Variants in RNF166 observed in about 807,000 individuals in gnomAD.
RNF166 encodes ring finger protein 166.
Under a neutral mutation model 29.4 loss-of-function variants are expected in RNF166, and 19 were observed. The observed-to-expected ratio is 0.65, with a 90% CI of 0.45 to 0.95. The LOEUF (loss-of-function observed/expected upper bound fraction) is 0.95. RNF166 is among the 40% of genes least tolerant of loss of function. The pLI, the probability that RNF166 is intolerant of heterozygous loss-of-function variation, is 0.00. For missense variants in RNF166, 347 were observed against 322.1 expected (o/e 1.08, Z -0.59); for synonymous variants, 171 against 134.5 (o/e 1.27, Z -1.88).
intron 1 of RNF166, among the ~76,000 whole-genome samples, chr16:88,702,370 G>A (rs1910336141): frequency 6.6e-6 from 1 of 152,186 alleles, no homozygotes; most frequent in Non-Finnish European, 1.5e-5. Flanking sequence ...TACAGCACCC[G>A]GGGGTGTAGC....
chr16:88,700,374 G>C (rs977629587), intron 2 of RNF166, among the ~76,000 whole-genome samples: 2 of 149,124 alleles, frequency 1.3e-5, no homozygotes, highest in African/African-American at 5.2e-5. Context: ...GCATGTGACC[G>C]GTTCTGATCC....
chr16:88,700,662 C>G, intron 2 of RNF166: 3 of 986,888 alleles, frequency 3.0e-6, no homozygotes, highest in Non-Finnish European at 3.6e-6. Flanking sequence ...GAACGGGGCG[C>G]TGGCTGGGGC....
rs1202737919 is a variant in RNF166 at position 88,697,394 on chromosome 16, G to A, written c.*174C>T. 2.8e-5 allele frequency: 15 copies of A among 533,038 alleles called. No individual in the cohort carries two copies. The highest frequency in any genetic ancestry group is 1.6e-4 in the East Asian group (5 of 31,442). 33.0% of individuals were successfully genotyped at this position (533,038 alleles called of 1,614,324 possible). On this transcript the variant is annotated 3_prime_UTR_variant, in exon 6 of 6. Transcript: ENST00000312838. Reference sequence around the variant, plus strand: ...CAGGCGGCCCTGCTCTGGCGGCCTCGGCGGCTGGCCCGTATTCAGGCCCGG... The same window carrying A: ...CAGGCGGCCCTGCTCTGGCGGCCTCAGCGGCTGGCCCGTATTCAGGCCCGG...
intron 1 of RNF166, chr16:88,703,534 C>G (rs537292115): frequency 8.1e-6 from 8 of 985,418 alleles, no homozygotes; most frequent in Non-Finnish European, 9.6e-6. Flanking sequence ...GGAGGCAGAA[C>G]GAGGCACCCA....
At chr16:88,703,399 G>C (rs1223800197) in intron 1 of RNF166, 1 of 985,416 alleles carries the variant, frequency 1.0e-6, no homozygotes, top group African/African-American at 1.7e-5. Flanking sequence ...CAGAGCTTGG[G>C]AAGAGAGGAA....
At chr16:88,699,816 G>A in intron 2 of RNF166, 84 bp from the exon 3 acceptor site, 1 of 926,294 alleles carries the variant, frequency 1.1e-6, no homozygotes, top group Non-Finnish European at 1.7e-6. Context: ...AGGTGTCCAG[G>A]ACCAGAGAAC....
At chr16:88,702,625 G>C (rs1910366114) in intron 1 of RNF166, 1 of 894,888 alleles carries the variant, frequency 1.1e-6, no homozygotes, top group Non-Finnish European at 1.3e-6. Context: ...GGCCCTCTTT[G>C]CCACCACTGG....
rs1446634504 is a variant in RNF166, at chr16:88,696,619, GCCC to G, written c.*946_*948del. The G allele has an allele frequency of 6.6e-6, 3 of 453,630 alleles. No individual in the cohort carries two copies. The highest frequency in any genetic ancestry group is 1.3e-5 in the Non-Finnish European group (3 of 226,296). The allele number at this position is 453,630 out of a possible 1,614,324, so 28.1% of individuals were successfully genotyped here. A position where few individuals can be genotyped will look rare whatever the true frequency, so the allele number is the denominator to read the frequency against. Reference sequence around the variant, plus strand: ...GCCCGCCAAGCGGGCCCCTGCCCAGGCCCCCAAGCTCTGCCACCACTGGGGTGC... The same window carrying G: ...GCCCGCCAAGCGGGCCCCTGCCCAGGCCAAGCTCTGCCACCACTGGGGTGC... On this transcript the variant is annotated 3_prime_UTR_variant, in exon 6 of 6. Coordinates refer to ENST00000312838, the MANE Select transcript of RNF166 (RefSeq NM_178841.4).
rs148962408 is a variant in RNF166, at chr16:88,699,016, C to T, written c.495G>A (p.Leu165=). Residue 165 remains leucine (L), a synonymous_variant, in exon 4 of 6, where the codon CTG becomes CTA. Transcript: ENST00000312838. The stretch of plus-strand genomic sequence containing the variant: ...GGTGGCTTTCCACACAGTGCTTCAC[C>T]AGCTCCTGCTGGTCCAGGTTGCGGG... ...CGARNLDQQE[L]VKHCVESHRS... is the part of the protein sequence containing the mutation. 3.1e-6 allele frequency: 5 copies of T among 1,609,512 alleles called. 1 individual carries two copies. Among genetic ancestry groups the T allele is most frequent in the Non-Finnish European group, 4.2e-6 (5 of 1,178,476 alleles).
At chr16:88,703,457 G>T (rs1482570656) in intron 1 of RNF166, 1 of 985,502 alleles carries the variant, frequency 1.0e-6, no homozygotes, top group African/African-American at 1.7e-5. Context: ...GTCCTCCCCG[G>T]AAGGACTCAG....
chr16:88,700,931 C>T, intron 2 of RNF166: 2 of 1,170,054 alleles, frequency 1.7e-6, no homozygotes, highest in Non-Finnish European at 2.1e-6. Context: ...TATCGGCTGG[C>T]AGGGGAAGGC....
At chr16:88,705,405 C>A (rs931420653) in intron 1 of RNF166, among the ~76,000 whole-genome samples, 8 of 152,246 alleles carry the variant, frequency 5.3e-5, no homozygotes, top group Admixed American at 1.3e-4. Flanking sequence ...CTGTATTATT[C>A]AGCACTTAGG....
chr16:88,701,325 C>G lies in RNF166; in HGVS notation c.249G>C (p.Lys83Asn), dbSNP rs762369596. The G allele has an allele frequency of 6.2e-7, 1 of 1,613,500 alleles. No individual in the cohort carries two copies. The highest frequency in any genetic ancestry group is 1.3e-5 in the African/African-American group (1 of 74,932). ...AGAGCTGCTTCTCCACGTGGGTGGC[C>G]TTGTCCACCTTCTTGGGGTCGAAGG... ...RLPFDPKKVD[K>N]ATHVEKQLSS... is the part of the protein sequence containing the mutation. The change falls in exon 2 of 6, where the codon AAG (lysine) becomes AAC (asparagine). Residue 83 changes from lysine (K) to asparagine (N), a missense_variant. Physicochemically the swap from Lys to Asn is moderately conservative, Grantham distance 94. Transcript: ENST00000312838.
rs531990092 is a variant in RNF166 at position 88,698,696 on chromosome 16, G to A, written c.541-87C>T. The A allele has an allele frequency of 1.7e-4, 181 of 1,035,830 alleles. 1 individual carries two copies. The highest frequency in any genetic ancestry group is 6.4e-4 in the Middle Eastern group (2 of 3,128). 64.2% of individuals were successfully genotyped at this position (1,035,830 alleles called of 1,614,324 possible). On this transcript the variant is annotated intron_variant, in intron 4 of 5. Coordinates refer to ENST00000312838, the MANE Select transcript of RNF166 (RefSeq NM_178841.4). ...GACTGGGGGCCCTCCACTGAGCCCC[G>A]TCAGTGCTGCCTCAGCCTGGGAAGG... is the stretch of plus-strand genomic sequence containing the variant.
chr16:88,703,929 C>T (rs1001628489), intron 1 of RNF166: 2 of 985,358 alleles, frequency 2.0e-6, no homozygotes, highest in African/African-American at 3.5e-5. Flanking sequence ...TCACACAGCC[C>T]TTCCAGGCAG....
chr16:88,701,218 C>A (rs749370779), intron 2 of RNF166, 44 bp downstream of exon 2: 2 of 1,611,320 alleles, frequency 1.2e-6, no homozygotes, highest in Admixed American at 3.3e-5. Flanking sequence ...TGAGGCTGCC[C>A]ATCAAGTGAC....
Position 88,697,644 on chromosome 16 carries a change from G to A in RNF166, c.649-11C>T, listed in dbSNP as rs768662405. 55 of 1,547,418 alleles carry A rather than the reference G, an allele frequency of 3.6e-5. No individual in the cohort carries two copies. The highest frequency in any genetic ancestry group is 4.3e-5 in the Non-Finnish European group (49 of 1,144,066). On this transcript the variant is annotated splice_polypyrimidine_tract_variant and intron_variant, in intron 5 of 5. Coordinates refer to ENST00000312838, the MANE Select transcript of RNF166 (RefSeq NM_178841.4). Reference sequence around the variant, plus strand: ...GTCAATACTGTAGTCCTGGAGACAGGAAGGAGAGATGCACCGGGCTCGAGG... The same window carrying A: ...GTCAATACTGTAGTCCTGGAGACAGAAAGGAGAGATGCACCGGGCTCGAGG...
At chr16:88,703,497 T>C (rs1910475174) in intron 1 of RNF166, 1 of 985,254 alleles carries the variant, frequency 1.0e-6, no homozygotes. Context: ...CCAGCCCGAC[T>C]GGCAGGGCGG....
At chr16:88,704,492 AG>A in intron 1 of RNF166, 1 of 985,376 alleles carries the variant, frequency 1.0e-6, no homozygotes, top group Non-Finnish European at 1.2e-6. Flanking sequence ...TTTTAGGAAA[AG>A]ACATATTTGA....
Sources: allele counts gnomAD v4.1 joint callset (sites outside exome capture counted in the v4.1 genomes callset), GRCh38; gene constraint gnomAD v4.1.1; transcripts MANE v1.5; gene names NCBI Gene and HGNC (gene_info 2026-07-23, HGNC 2026-07-21).